ARHGAP8: variants seen among roughly 807,000 people sequenced by gnomAD.
ARHGAP8 encodes rho GTPase-activating protein 8.
Under a neutral mutation model 46.1 loss-of-function variants are expected in ARHGAP8, and 62 were observed. The ratio of observed to expected loss-of-function variants is 1.34; its 90% CI spans 1.10 to 1.66. The LOEUF (loss-of-function observed/expected upper bound fraction) is 1.66, where lower values mean the gene tolerates loss of function less well. Ranked by LOEUF, ARHGAP8 falls within the 40% of genes most tolerant of loss-of-function variation. The pLI is 0.00. For missense variants in ARHGAP8, 923 were observed against 568.4 expected (o/e 1.62, Z -6.34); for synonymous variants, 375 against 243.1 (o/e 1.54, Z -5.05).
At chr22:44,775,701 C>T (rs376957419) in intron 1 of ARHGAP8, among the ~76,000 whole-genome samples, 7 of 152,154 alleles carry the variant, frequency 4.6e-5, no homozygotes, top group African/African-American at 1.2e-4. Flanking sequence ...CCACCCACCT[C>T]GGCCTCCCAA....
At chr22:44,856,650 A>G (rs1233761365) in intron 10 of ARHGAP8, among the ~76,000 whole-genome samples, 1 of 139,642 alleles carries the variant, frequency 7.2e-6, no homozygotes, top group Non-Finnish European at 1.5e-5. Flanking sequence ...CATAAAGGCA[A>G]GTTCTCAGGA....
intron 7 of ARHGAP8, among the ~76,000 whole-genome samples, chr22:44,833,100 T>C (rs1057441488): frequency 3.1e-5 from 4 of 127,144 alleles, no homozygotes; most frequent in Non-Finnish European, 3.4e-5. Flanking sequence ...TCTTTTCTTT[T>C]TTTTTTTTTT....
chr22:44,762,626 G>A (rs865826237), intron 1 of ARHGAP8, among the ~76,000 whole-genome samples: 10 of 148,272 alleles, frequency 6.7e-5, no homozygotes, highest in Admixed American at 1.4e-4. Flanking sequence ...TCACTGCAGC[G>A]TCCACCTCTC....
chr22:44,772,118 A>G (rs1305050406), intron 1 of ARHGAP8, among the ~76,000 whole-genome samples: 3 of 150,620 alleles, frequency 2.0e-5, no homozygotes, highest in Non-Finnish European at 4.4e-5. Context: ...GTGAGTCTTG[A>G]ATGTTGTGAA....
intron 7 of ARHGAP8, among the ~76,000 whole-genome samples, chr22:44,836,509 T>C (rs1021152705): frequency 1.3e-5 from 2 of 151,758 alleles, no homozygotes; most frequent in African/African-American, 4.8e-5. Context: ...GGCACAGTGA[T>C]GCAGTGAGTG....
Position 44,862,555 on chromosome 22 carries a change from T to TACCTCC in ARHGAP8, c.1263_1268dup (p.Pro422_Pro423dup). On this transcript the variant is annotated inframe_insertion, in exon 12 of 12. Coordinates refer to ENST00000356099, the MANE Select transcript of ARHGAP8 (RefSeq NM_181335.3). ...GCCACGGGCCTCACCAAGCCTACCC[T>TACCTCC]ACCTCCGAGTCCCCTGATGGCAGCC... is the stretch of plus-strand genomic sequence containing the variant. 1 of 1,599,084 alleles carries TACCTCC rather than the reference T, an allele frequency of 6.3e-7. No individual in the cohort carries two copies. The highest frequency in any genetic ancestry group is 8.6e-7 in the Non-Finnish European group (1 of 1,168,558).
At chr22:44,814,934 A>G (rs1467000548) in intron 5 of ARHGAP8, among the ~76,000 whole-genome samples, 176 bp downstream of exon 5, 1 of 152,152 alleles carries the variant, frequency 6.6e-6, no homozygotes, top group African/African-American at 2.4e-5. Flanking sequence ...AGCCCAGGTC[A>G]TGGACAGGAG....
At chr22:44,861,731 C>A (rs562205073) in intron 11 of ARHGAP8, among the ~76,000 whole-genome samples, 1 of 152,164 alleles carries the variant, frequency 6.6e-6, no homozygotes, top group African/African-American at 2.4e-5. Flanking sequence ...TCTCCTGTAC[C>A]TTCCAGGCCC....
chr22:44,860,241 A>G (rs528608289), intron 11 of ARHGAP8, among the ~76,000 whole-genome samples: 1 of 151,596 alleles, frequency 6.6e-6, no homozygotes, highest in Non-Finnish European at 1.5e-5. Flanking sequence ...AACCACGTAC[A>G]TTAAGTTCCT....
At chr22:44,760,760 G>A (rs1026115504) in intron 1 of ARHGAP8, among the ~76,000 whole-genome samples, 1 of 152,222 alleles carries the variant, frequency 6.6e-6, no homozygotes, top group African/African-American at 2.4e-5. Flanking sequence ...TGGGTGATTT[G>A]AATTTTCCTT....
intron 5 of ARHGAP8, among the ~76,000 whole-genome samples, chr22:44,820,855 G>T (rs1020411626): frequency 1.3e-5 from 2 of 151,996 alleles, no homozygotes; most frequent in Admixed American, 6.5e-5. Flanking sequence ...ACCACCTGGC[G>T]CTGGTGCTGG....
chr22:44,849,371 A>C, intron 10 of ARHGAP8: 1 of 385,194 alleles, frequency 2.6e-6, no homozygotes, highest in Non-Finnish European at 4.8e-6. Flanking sequence ...CATCCTGGTC[A>C]AAGTCCTGCC....
chr22:44,839,630 C>A (rs2147148674), intron 7 of ARHGAP8, among the ~76,000 whole-genome samples: 1 of 152,322 alleles, frequency 6.6e-6, no homozygotes, highest in Non-Finnish European at 1.5e-5. Context: ...GTCACCTGGC[C>A]TCTCCTAGTG....
At position 44,849,078 on chromosome 22, in the gene ARHGAP8, C is replaced by A; in HGVS notation, c.877+18C>A. ...GATCACCTGTGCGTAGCTGCCCTGGCGCAGGGGTGGGGGGCTTGGTCCTCA... is the reference window on the plus strand; with the variant it reads ...GATCACCTGTGCGTAGCTGCCCTGGAGCAGGGGTGGGGGGCTTGGTCCTCA... On this transcript the variant is annotated intron_variant, in intron 10 of 11. Coordinates refer to ENST00000356099, the MANE Select transcript of ARHGAP8 (RefSeq NM_181335.3). 1.9e-6 allele frequency: 3 copies of A among 1,613,186 alleles called. No individual in the cohort carries two copies. The highest frequency in any genetic ancestry group is 2.5e-6 in the Non-Finnish European group (3 of 1,179,894).
chr22:44,778,526 C>T (rs1227483189), intron 1 of ARHGAP8, among the ~76,000 whole-genome samples: 3 of 152,080 alleles, frequency 2.0e-5, no homozygotes, highest in African/African-American at 7.2e-5. Context: ...GACTTATTTT[C>T]CTCTGGGTAG....
In ARHGAP8 at chr22:44,803,043, C is replaced by T. The variant is rs117668054; in HGVS notation, c.167+879C>T. ...ACTGGCTCAGCAGGCATCTATTGAG[C>T]GCCTACTGTATGTGAGACTTTGGAT... is the stretch of plus-strand genomic sequence containing the variant. On this transcript the variant is annotated intron_variant, in intron 3 of 11. Transcript: ENST00000356099. 3.4e-3 allele frequency among the ~76,000 whole-genome samples: 518 copies of T among 152,294 alleles called. 1 individual carries two copies. The highest frequency in any genetic ancestry group is 4.8e-3 in the Non-Finnish European group (324 of 68,030).
chr22:44,844,654 G>A (rs912363140), intron 7 of ARHGAP8, among the ~76,000 whole-genome samples: 8 of 151,920 alleles, frequency 5.3e-5, no homozygotes, highest in African/African-American at 1.9e-4. Context: ...GTAGAGACAG[G>A]GTTTCACCAT....
chr22:44,821,857 G>A (rs979362817), intron 5 of ARHGAP8, among the ~76,000 whole-genome samples: 1 of 152,192 alleles, frequency 6.6e-6, no homozygotes, highest in East Asian at 1.9e-4. Flanking sequence ...GCTGCTCCCT[G>A]GGGTCCGAGA....
At chr22:44,856,592 C>T (rs2147185509) in intron 10 of ARHGAP8, among the ~76,000 whole-genome samples, 1 of 110,586 alleles carries the variant, frequency 9.0e-6, no homozygotes, top group East Asian at 2.2e-4. Flanking sequence ...CTTGGGGCTA[C>T]ATCCTGACCA....
Sources: gnomAD v4.1 joint callset for allele counts (sites outside exome capture counted in the v4.1 genomes callset) on GRCh38, gnomAD v4.1.1 for gene constraint, MANE v1.5 for transcripts, NCBI Gene and HGNC (gene_info 2026-07-23, HGNC 2026-07-21) for gene names.